CNTN6: variants seen among roughly 807,000 people sequenced by gnomAD.
CNTN6 encodes contactin-6.
CNTN6 carries 137 observed loss-of-function variants against 122.8 expected under a neutral mutation model. The observed-to-expected ratio is 1.12, with a 90% CI of 0.97 to 1.29. The LOEUF is 1.29. CNTN6 is among the 50% of genes most tolerant of loss of function. The pLI, the probability that CNTN6 is intolerant of heterozygous loss-of-function variation, is 0.00. For synonymous variants in CNTN6, 570 were observed against 426.0 expected (o/e 1.34, Z -4.16); for missense variants, 1,634 against 1,223.4 (o/e 1.34, Z -5.01).
intron 4 of CNTN6, among the ~76,000 whole-genome samples, chr3:1,245,241 C>T (rs1375686511): frequency 2.4e-3 from 28 of 11,448 alleles, no homozygotes; most frequent in African/African-American, 4.0e-3. Context: ...TATATACACA[C>T]ACACATATAT....
chr3:1,174,671 C>T (rs1463916450), intron 2 of CNTN6, among the ~76,000 whole-genome samples: 1 of 152,150 alleles, frequency 6.6e-6, no homozygotes, highest in African/African-American at 2.4e-5. Context: ...TTTCAGTCAT[C>T]CATTCAACAA....
chr3:1,099,425 T>TG (rs1174132494), intron 1 of CNTN6, among the ~76,000 whole-genome samples: 2 of 152,192 alleles, frequency 1.3e-5, no homozygotes, highest in Non-Finnish European at 2.9e-5. Context: ...CACTCCAGCC[T>TG]GGGTGACAGA....
chr3:1,240,706 T>TAA (rs58626912), intron 4 of CNTN6, among the ~76,000 whole-genome samples: 19 of 129,410 alleles, frequency 1.5e-4, no homozygotes, highest in Middle Eastern at 3.8e-3. Context: ...GTTATTATAC[T>TAA]AAAAAAAAAA....
chr3:1,370,499 G>A (rs1308142249), intron 12 of CNTN6, among the ~76,000 whole-genome samples: 2 of 152,046 alleles, frequency 1.3e-5, no homozygotes, highest in Admixed American at 6.6e-5. Flanking sequence ...AATTAAGAAT[G>A]GGCATAGTCC....
intron 2 of CNTN6, among the ~76,000 whole-genome samples, chr3:1,166,181 T>C (rs1179655068): frequency 6.6e-6 from 1 of 152,196 alleles, no homozygotes; most frequent in African/African-American, 2.4e-5. Context: ...CTGAGGCATA[T>C]AGTCACAAAT....
intron 7 of CNTN6, among the ~76,000 whole-genome samples, chr3:1,316,960 A>G (rs920968766): frequency 1.8e-4 from 28 of 151,856 alleles, no homozygotes; most frequent in African/African-American, 6.8e-4. Flanking sequence ...AAATGCATAC[A>G]TATTTTTAAA....
chr3:1,158,556 T>C (rs57806859), intron 2 of CNTN6, among the ~76,000 whole-genome samples: 28,533 of 149,946 alleles, frequency 0.19, 3,448 homozygotes, highest in African/African-American at 0.33. Context: ...CATTTAAAGA[T>C]TGTTTCTTGA....
At chr3:1,318,528 G>C (rs1204566378) in intron 7 of CNTN6, among the ~76,000 whole-genome samples, 1 of 151,714 alleles carries the variant, frequency 6.6e-6, no homozygotes, top group Non-Finnish European at 1.5e-5. Flanking sequence ...ATAATTTTTT[G>C]CAAGTGATTT....
chr3:1,319,466 G>A, intron 7 of CNTN6, among the ~76,000 whole-genome samples: 1 of 151,548 alleles, frequency 6.6e-6, no homozygotes, highest in East Asian at 2.0e-4. Flanking sequence ...GCTATTTGTT[G>A]TAATATTATT....
At chr3:1,119,069 A>T (rs1382234819) in intron 1 of CNTN6, among the ~76,000 whole-genome samples, 1 of 152,058 alleles carries the variant, frequency 6.6e-6, no homozygotes, top group Non-Finnish European at 1.5e-5. Flanking sequence ...AAAAGAAGTC[A>T]ATGTGGCAGA....
intron 10 of CNTN6, among the ~76,000 whole-genome samples, chr3:1,328,365 G>A (rs1378982567): frequency 6.6e-6 from 1 of 151,786 alleles, no homozygotes; most frequent in Non-Finnish European, 1.5e-5. Context: ...GGGTTTCTTA[G>A]TGGTAGGAAG....
chr3:1,233,416 G>A (rs1028985506), intron 4 of CNTN6, among the ~76,000 whole-genome samples: 5 of 131,142 alleles, frequency 3.8e-5, no homozygotes, highest in African/African-American at 1.4e-4. Flanking sequence ...TCTGAATAAT[G>A]TTAAGGATGT....
intron 4 of CNTN6, among the ~76,000 whole-genome samples, chr3:1,232,335 C>T (rs577073536): frequency 2.0e-5 from 3 of 152,228 alleles, no homozygotes; most frequent in African/African-American, 2.4e-5. Flanking sequence ...TCCAAGCAAC[C>T]GGAGAACACC....
chr3:1,319,214 T>G (rs1171618463), intron 7 of CNTN6, among the ~76,000 whole-genome samples: 1 of 151,546 alleles, frequency 6.6e-6, no homozygotes, highest in African/African-American at 2.4e-5. Context: ...TGCCATGACT[T>G]TTAATGGCAA....
At chr3:1,099,178 T>G (rs34357293) in intron 1 of CNTN6, among the ~76,000 whole-genome samples, 142 of 152,214 alleles carry the variant, frequency 9.3e-4, no homozygotes, top group African/African-American at 1.4e-3. Flanking sequence ...TTCGCCGGGC[T>G]CAGTGGCTCA....
intron 4 of CNTN6, among the ~76,000 whole-genome samples, chr3:1,257,833 A>T (rs1340004374): frequency 6.6e-6 from 1 of 152,208 alleles, no homozygotes; most frequent in Non-Finnish European, 1.5e-5. Flanking sequence ...ACAAACTTTT[A>T]AAATGGCAGC....
intron 4 of CNTN6, among the ~76,000 whole-genome samples, chr3:1,277,088 A>G (rs1692506704): frequency 6.6e-6 from 1 of 152,098 alleles, no homozygotes; most frequent in Non-Finnish European, 1.5e-5. Context: ...GGGAAATGTG[A>G]TCTCTGGTTA....
At chr3:1,167,501 A>G (rs1225763024) in intron 2 of CNTN6, among the ~76,000 whole-genome samples, 1 of 152,208 alleles carries the variant, frequency 6.6e-6, no homozygotes, top group Admixed American at 6.5e-5. Context: ...ATATTAAAAT[A>G]ATGAAGTGCC....
intron 12 of CNTN6, among the ~76,000 whole-genome samples, chr3:1,371,654 A>C (rs766774287): frequency 1.2e-4 from 19 of 152,150 alleles, no homozygotes; most frequent in Non-Finnish European, 2.2e-4. Context: ...GGTCTTGTAA[A>C]AGAAAGATTG....
Sources: gnomAD v4.1 joint callset for allele counts (sites outside exome capture counted in the v4.1 genomes callset) on GRCh38, gnomAD v4.1.1 for gene constraint, MANE v1.5 for transcripts, NCBI Gene and HGNC (gene_info 2026-07-23, HGNC 2026-07-21) for gene names.